Variants in ST7 observed in about 807,000 individuals in gnomAD.
The protein encoded by ST7 is suppressor of tumorigenicity 7 protein.
A neutral mutation model predicts 78.7 loss-of-function variants in ST7; 28 were observed. That is an observed-to-expected ratio of 0.36 (90% CI 0.26 to 0.49). The LOEUF is 0.49. Ranked by LOEUF, ST7 falls within the 20% of genes least tolerant of loss-of-function variation. The pLI, the probability that ST7 is intolerant of heterozygous loss-of-function variation, is 0.99. For missense variants in ST7, 418 were observed against 696.0 expected (o/e 0.60, Z 4.49); for synonymous variants, 247 against 249.6 (o/e 0.99, Z 0.10).
chr7:117,097,908 A>ATATATTTT, intron 1 of ST7, among the ~76,000 whole-genome samples: 5 of 30,010 alleles, frequency 1.7e-4, no homozygotes, highest in East Asian at 1.7e-3. Context: ...ATATATATAT[A>ATATATTTT]TTTTTTTTTT....
chr7:117,171,338 C>G (rs1195113226), intron 10 of ST7, among the ~76,000 whole-genome samples: 1 of 152,124 alleles, frequency 6.6e-6, no homozygotes, highest in Non-Finnish European at 1.5e-5. Context: ...AGAGCTCTTG[C>G]TATAAATCCA....
chr7:116,997,044 G>A (rs570732786), intron 1 of ST7, among the ~76,000 whole-genome samples: 1 of 152,244 alleles, frequency 6.6e-6, no homozygotes, highest in South Asian at 2.1e-4. Flanking sequence ...GAGCGTTACA[G>A]TTCACAAAGG....
intron 15 of ST7, among the ~76,000 whole-genome samples, chr7:117,228,403 C>G (rs1383812102): frequency 6.6e-6 from 1 of 152,214 alleles, no homozygotes. Context: ...ATATTTCACC[C>G]AGCACTTAAG....
Position 117,134,057 on chromosome 7 carries a change from A to G in ST7, c.642-67A>G. On this transcript the variant is annotated intron_variant, in intron 6 of 15. Coordinates refer to ENST00000323984, the MANE Select transcript of ST7 (RefSeq NM_001369598.1). Reference sequence around the variant, plus strand: ...TGATTACCCTGAACTCCGAAATGACATAGTGACTCTCTCTGAATGTTCCTA... The same window carrying G: ...TGATTACCCTGAACTCCGAAATGACGTAGTGACTCTCTCTGAATGTTCCTA... 3 of 1,593,842 alleles carry G rather than the reference A, an allele frequency of 1.9e-6. No homozygotes were observed. In the South Asian group the frequency reaches 3.4e-5, roughly 18 times the overall value.
At chr7:117,092,323 C>CAA (rs544352014) in intron 1 of ST7, among the ~76,000 whole-genome samples, 87 of 100,648 alleles carry the variant, frequency 8.6e-4, no homozygotes, top group African/African-American at 2.7e-3. Context: ...GAATACCAGC[C>CAA]AAAAAAAAAA....
chr7:117,173,039 T>C (rs1395821893), intron 10 of ST7, among the ~76,000 whole-genome samples: 3 of 152,204 alleles, frequency 2.0e-5, no homozygotes, highest in Non-Finnish European at 4.4e-5. Flanking sequence ...TGATAACATA[T>C]GTTCACATTA....
At chr7:117,034,900 G>A (rs945694100) in intron 1 of ST7, among the ~76,000 whole-genome samples, 5 of 152,108 alleles carry the variant, frequency 3.3e-5, no homozygotes, top group African/African-American at 9.6e-5. Context: ...TTTACTTTCT[G>A]GTTTGTTTCT....
Position 116,953,685 on chromosome 7 carries a change from A to G in ST7, c.145A>G (p.Ser49Gly). 6.7e-7 allele frequency: 1 copy of G among 1,487,366 alleles called. No individual in the cohort carries two copies. The highest frequency in any genetic ancestry group is 9.1e-7 in the Non-Finnish European group (1 of 1,103,924). 92.1% of individuals were successfully genotyped at this position (1,487,366 alleles called of 1,614,324 possible). ...GCCTTTGAAAATCAACGACAACTTG[A>G]GCACAGGTAAGGCCTGGGAGCCGGG... is the stretch of plus-strand genomic sequence containing the variant. ...RVPLKINDNLSTVSMFLNTLT... is the reference protein window; with the variant it reads ...RVPLKINDNLGTVSMFLNTLT... Residue 49 changes from serine to glycine, a missense_variant, in exon 1 of 16, where the codon AGC (serine) becomes GGC (glycine). Around this residue, in one of 4 missense-constraint regions of ST7, gnomAD observed 71 missense variants for 61.5 expected, o/e 1.16. Transcript: ENST00000323984.
chr7:117,110,373 A>G (rs1802329723), intron 2 of ST7, among the ~76,000 whole-genome samples: 1 of 152,312 alleles, frequency 6.6e-6, no homozygotes, highest in African/African-American at 2.4e-5. Flanking sequence ...ACCTACTTAG[A>G]TGATGCCAGG....
At chr7:117,199,631 T>C (rs1366978515) in intron 12 of ST7, among the ~76,000 whole-genome samples, 1 of 152,228 alleles carries the variant, frequency 6.6e-6, no homozygotes, top group East Asian at 1.9e-4. Flanking sequence ...CAGAGTCCTC[T>C]TTTCCCTCCC....
chr7:117,128,338 A>T (rs949330916), intron 3 of ST7: 8 of 151,962 alleles, frequency 5.3e-5, no homozygotes, highest in Non-Finnish European at 8.8e-5. Flanking sequence ...GGTGTTAGTG[A>T]TTCCTCTAAG....
chr7:117,172,502 A>G (rs894314995), intron 10 of ST7, among the ~76,000 whole-genome samples: 5 of 152,220 alleles, frequency 3.3e-5, no homozygotes, highest in Non-Finnish European at 5.9e-5. Flanking sequence ...GAAACAGAGA[A>G]AAGTATTTGT....
At chr7:117,127,611 T>C (rs1266556610) in intron 3 of ST7, among the ~76,000 whole-genome samples, 1 of 151,944 alleles carries the variant, frequency 6.6e-6, no homozygotes, top group Admixed American at 6.6e-5. Context: ...TTTACATCTG[T>C]TACAATTACT....
intron 1 of ST7, among the ~76,000 whole-genome samples, chr7:117,078,697 C>A (rs1043290981): frequency 6.6e-6 from 1 of 152,190 alleles, no homozygotes; most frequent in East Asian, 1.9e-4. Flanking sequence ...CAAGAAGAGT[C>A]ATGGTTGTAT....
At chr7:117,179,324 C>G (rs2117314708) in intron 10 of ST7, among the ~76,000 whole-genome samples, 1 of 152,342 alleles carries the variant, frequency 6.6e-6, no homozygotes, top group African/African-American at 2.4e-5. Context: ...TGAGCGCCAA[C>G]TATATTTCAG....
intron 9 of ST7, among the ~76,000 whole-genome samples, chr7:117,159,475 A>T (rs960142868): frequency 1.3e-5 from 2 of 152,226 alleles, no homozygotes; most frequent in Admixed American, 1.3e-4. Flanking sequence ...GAAAGCAATT[A>T]CCAGTGTGGA....
At chr7:117,103,644 T>G (rs1391476894) in intron 2 of ST7, among the ~76,000 whole-genome samples, 1 of 152,136 alleles carries the variant, frequency 6.6e-6, no homozygotes, top group Non-Finnish European at 1.5e-5. Context: ...ACCATGACAC[T>G]GTGAAAGAAA....
At chr7:117,185,411 C>T (rs1809164332) in intron 10 of ST7, among the ~76,000 whole-genome samples, 1 of 152,164 alleles carries the variant, frequency 6.6e-6, no homozygotes, top group Non-Finnish European at 1.5e-5. Flanking sequence ...ACTGCATGTA[C>T]ATGACAGGAA....
At chr7:117,132,352 C>A (rs1381778057) in intron 6 of ST7, among the ~76,000 whole-genome samples, 1 of 151,322 alleles carries the variant, frequency 6.6e-6, no homozygotes, top group East Asian at 1.9e-4. Context: ...AACATGATAA[C>A]AACATAAGGT....
Sources: gnomAD v4.1 joint callset for allele counts (sites outside exome capture counted in the v4.1 genomes callset) on GRCh38, gnomAD v4.1.1 for gene constraint, gnomAD v4.1.1 regional missense constraint, MANE v1.5 for transcripts, NCBI Gene and HGNC (gene_info 2026-07-23, HGNC 2026-07-21) for gene names.